Variants in DDX39A observed in about 807,000 individuals in gnomAD.
DDX39A encodes DExD-box helicase 39A.
In DDX39A, 13 loss-of-function variants were observed where a neutral mutation model predicts 46.3. The ratio of observed to expected loss-of-function variants is 0.28; its 90% confidence interval spans 0.18 to 0.45. The LOEUF (loss-of-function observed/expected upper bound fraction) is 0.45. Ranked by LOEUF, DDX39A falls within the 20% of genes least tolerant of loss-of-function variation. The pLI is 1.00. For missense variants in DDX39A, 352 were observed against 581.8 expected, an observed-to-expected ratio of 0.61 and a Z score of 4.06; for synonymous variants, 234 against 224.6, an observed-to-expected ratio of 1.04 and a Z score of -0.38.
chr19:14,417,731 G>A (rs578178309), intron 1 of DDX39A, among the ~76,000 whole-genome samples: 1 of 152,370 alleles, frequency 6.6e-6, no homozygotes, highest in South Asian at 2.1e-4. Context: ...CCGGTGTGGT[G>A]GCATGGGCCT....
At position 14,409,663 on chromosome 19, in the gene DDX39A, A is replaced by G; in HGVS notation, c.865-18T>C. The stretch of plus-strand genomic sequence containing the variant: ...ATTATCACCTGAGGGAAGGAGTGGC[A>G]GTCAGGGCCACACAGTCCCTGTGGC... On this transcript the variant is annotated intron_variant, in intron 7 of 10. Transcript: ENST00000242776. This position sits in a 1 kb window ranked among gnomAD's most constrained non-coding sequence, Gnocchi z 8.3. 6.2e-7 allele frequency: 1 copy of G among 1,608,946 alleles called. No homozygotes were observed. The highest frequency in any genetic ancestry group is 1.3e-5 in the African/African-American group (1 of 74,958).
chr19:14,418,908 G>A, intron 1 of DDX39A: 1 of 456,150 alleles, frequency 2.2e-6, no homozygotes, highest in South Asian at 1.5e-5. Context: ...CTCCCACCCA[G>A]GCCCCAGACC....
intron 1 of DDX39A, among the ~76,000 whole-genome samples, chr19:14,414,922 G>T (rs1159888530): frequency 7.3e-6 from 1 of 137,234 alleles, no homozygotes; most frequent in African/African-American, 2.8e-5. Context: ...CTGAAATCAC[G>T]CTTCACTCCA....
intron 1 of DDX39A, among the ~76,000 whole-genome samples, chr19:14,414,794 A>C (rs1050505405): frequency 6.6e-6 from 1 of 151,128 alleles, no homozygotes; most frequent in African/African-American, 2.4e-5. Context: ...TGAAACCCCA[A>C]CTCTACTAAA....
rs550995811 is a variant in DDX39A at position 14,409,446 on chromosome 19, G to A, written c.976C>T (p.Leu326=). The change falls in exon 9 of 11, where the codon CTG becomes TTG. Residue 326 remains leucine (L), a splice_region_variant and synonymous_variant. Transcript: ENST00000242776. The surrounding 1 kb of genome is among the most constrained non-coding windows in gnomAD (Gnocchi z 8.3). ...IHRGMAQEER[L]SRYQQFKDFQ... ...TCCTTGAACTGCTGATAGCGTGACA[G>A]GCTGGGGTGCAGGAGAAACAAGTGG... 1 of 1,614,016 alleles carries A rather than the reference G, an allele frequency of 6.2e-7. No individual in the cohort carries two copies. The highest frequency in any genetic ancestry group is 1.3e-5 in the African/African-American group (1 of 75,082).
At chr19:14,419,105 G>A (rs1270050600) in intron 1 of DDX39A, 165 bp downstream of exon 1, 8 of 409,192 alleles carry the variant, frequency 2.0e-5, no homozygotes, top group Non-Finnish European at 3.4e-5. Flanking sequence ...GCGCCCCGGT[G>A]CCCAACGGCC....
At chr19:14,414,640 C>A (rs1002399545) in intron 1 of DDX39A, among the ~76,000 whole-genome samples, 2 of 149,380 alleles carry the variant, frequency 1.3e-5, no homozygotes, top group African/African-American at 4.9e-5. Context: ...TGAGCCACCG[C>A]GCCTGGCCTT....
chr19:14,409,656 G>A lies in DDX39A; in HGVS notation c.865-11C>T, dbSNP rs1397365873. 1.2e-6 allele frequency: 2 copies of A among 1,608,868 alleles called. No homozygotes were observed. The highest frequency in any genetic ancestry group is 4.5e-5 in the East Asian group (2 of 44,764). ...GACGAAGATTATCACCTGAGGGAAG[G>A]AGTGGCAGTCAGGGCCACACAGTCC... On this transcript the variant is annotated splice_polypyrimidine_tract_variant and intron_variant, in intron 7 of 10. Transcript: ENST00000242776. The surrounding 1 kb of genome is among the most constrained non-coding windows in gnomAD (Gnocchi z 8.3).
chr19:14,415,268 G>A (rs1055844560), intron 1 of DDX39A, among the ~76,000 whole-genome samples: 2 of 152,050 alleles, frequency 1.3e-5, no homozygotes, highest in African/African-American at 4.8e-5. Flanking sequence ...TCAGCACAGT[G>A]TGCTCTACCA....
At position 14,412,433 on chromosome 19, in the gene DDX39A, A is replaced by G. The variant is rs1976629556; in HGVS notation, c.336+118T>C. ...AGCCTCGACTTCCTGGGCTCAAGCAATCCTCCAGCCTCAGCTTCCCAAAGC... is the reference window on the plus strand; with the variant it reads ...AGCCTCGACTTCCTGGGCTCAAGCAGTCCTCCAGCCTCAGCTTCCCAAAGC... On this transcript the variant is annotated intron_variant, in intron 3 of 10. Transcript: ENST00000242776. The surrounding 1 kb of genome is among the most constrained non-coding windows in gnomAD (Gnocchi z 4.4). 5 of 1,405,602 alleles carry G rather than the reference A, an allele frequency of 3.6e-6. No homozygotes were observed. In the East Asian group the frequency reaches 6.9e-5, roughly 20 times the overall value. The allele number at this position is 1,405,602 out of a possible 1,614,324, so 87.1% of individuals were successfully genotyped here. A position where few individuals can be genotyped will look rare whatever the true frequency, so the allele number is the denominator to read the frequency against.
chr19:14,409,387 C>T lies in DDX39A; in HGVS notation c.1035G>A (p.Leu345=). ...FQRRILVATN[L]FGRGMDIERV... ...GCTCGATGTCCATCCCCCGGCCAAA[C>T]AGATTGGTGGCCACCAGGATCCGCC... Residue 345 remains leucine, a synonymous_variant, in exon 9 of 11, where the codon CTG becomes CTA. Coordinates refer to ENST00000242776, the MANE Select transcript of DDX39A (RefSeq NM_005804.4). This position sits in a 1 kb window ranked among gnomAD's most constrained non-coding sequence, Gnocchi z 8.3. The T allele has an allele frequency of 6.2e-7, 1 of 1,614,230 alleles. No homozygotes were observed. Among genetic ancestry groups the T allele is most frequent in the Non-Finnish European group, 8.5e-7 (1 of 1,180,034 alleles).
intron 1 of DDX39A, among the ~76,000 whole-genome samples, chr19:14,417,959 G>A (rs1976879059): frequency 6.6e-6 from 1 of 151,804 alleles, no homozygotes; most frequent in African/African-American, 2.4e-5. Flanking sequence ...ACTTGAAGTC[G>A]GGAATTAGAG....
chr19:14,414,887 C>G (rs897902684), intron 1 of DDX39A, among the ~76,000 whole-genome samples: 1 of 148,562 alleles, frequency 6.7e-6, no homozygotes, highest in South Asian at 2.1e-4. Flanking sequence ...ATTGCTTAAA[C>G]CTGGGAGGCG....
intron 1 of DDX39A, among the ~76,000 whole-genome samples, chr19:14,417,345 G>C (rs1976848413): frequency 6.6e-6 from 1 of 152,110 alleles, no homozygotes; most frequent in Admixed American, 6.6e-5. Flanking sequence ...GGCAGGCCCG[G>C]CATGGTGCCT....
In DDX39A at chr19:14,412,759, C is replaced by T; in HGVS notation, c.209-81G>A. ...TCCTCACCAGTTGACCGGGGGCCCA[C>T]AGTGAGGGCAATCAGAAGAGGCCGA... On this transcript the variant is annotated intron_variant, in intron 2 of 10. Coordinates refer to ENST00000242776, the MANE Select transcript of DDX39A (RefSeq NM_005804.4). This position sits in a 1 kb window ranked among gnomAD's most constrained non-coding sequence, Gnocchi z 4.4. The T allele has an allele frequency of 6.6e-7, 1 of 1,523,768 alleles. No homozygotes were observed. The highest frequency in any genetic ancestry group is 8.8e-7 in the Non-Finnish European group (1 of 1,135,730). The allele number at this position is 1,523,768 out of a possible 1,614,324, so 94.4% of individuals were successfully genotyped here. A position where few individuals can be genotyped will look rare whatever the true frequency, so the allele number is the denominator to read the frequency against.
At chr19:14,414,936 T>TAA (rs1006829482) in intron 1 of DDX39A, among the ~76,000 whole-genome samples, 26 of 72,796 alleles carry the variant, frequency 3.6e-4, no homozygotes, top group African/African-American at 8.6e-4. Flanking sequence ...CACTCCAGCC[T>TAA]AAAAAAAAAA....
In DDX39A at chr19:14,412,300, T is replaced by G. The variant is rs1383796430; in HGVS notation, c.336+251A>C. 1 of 445,682 alleles carries G rather than the reference T, an allele frequency of 2.2e-6. No homozygotes were observed. The highest frequency in any genetic ancestry group is 4.0e-5 in the Admixed American group (1 of 24,846). The allele number at this position is 445,682 out of a possible 1,614,324, so 27.6% of individuals were successfully genotyped here. ...AAACTGTGGGCACTTTCCAGTTATT[T>G]TGGCTTATTGGCAATTTCTAATTTT... On this transcript the variant is annotated intron_variant, in intron 3 of 10. Coordinates refer to ENST00000242776, the MANE Select transcript of DDX39A (RefSeq NM_005804.4). This position sits in a 1 kb window ranked among gnomAD's most constrained non-coding sequence, Gnocchi z 4.4.
chr19:14,418,827 G>A (rs1371101602), intron 1 of DDX39A: 2 of 434,610 alleles, frequency 4.6e-6, no homozygotes, highest in Non-Finnish European at 9.1e-6. Flanking sequence ...AGACCAAGAA[G>A]AAGGTAGACT....
chr19:14,409,101 G>A lies in DDX39A; in HGVS notation c.1203C>T (p.Asp401=). The change falls in exon 10 of 11, where the codon GAC becomes GAT. Residue 401 remains aspartate, a synonymous_variant. Transcript: ENST00000242776. The surrounding 1 kb of genome is among the most constrained non-coding windows in gnomAD (Gnocchi z 8.3). ...SDENDAKILN[D]VQDRFEVNVA... is the part of the protein sequence containing the mutation. ...CATTAACTTCAAACCGGTCCTGGAC[G>A]TCATTGAGGATTTTGGCATCATTCT... 12 of 1,614,222 alleles carry A rather than the reference G, an allele frequency of 7.4e-6. No homozygotes were observed. Among genetic ancestry groups the A allele is most frequent in the Admixed American group, 1.7e-5 (1 of 60,028 alleles).
Sources: gnomAD v4.1 joint callset for allele counts (sites outside exome capture counted in the v4.1 genomes callset) on GRCh38, gnomAD v4.1.1 for gene constraint, Gnocchi (gnomAD v3.1) non-coding constraint, MANE v1.5 for transcripts, NCBI Gene and HGNC (gene_info 2026-07-23, HGNC 2026-07-21) for gene names.